The following TMEM132D variants were observed in gnomAD, a reference collection of about 807,000 sequenced individuals.
TMEM132D encodes the protein mature OL transmembrane protein.
Under a neutral mutation model 62.3 loss-of-function variants are expected in TMEM132D, and 21 were observed. The ratio of observed to expected loss-of-function variants is 0.34; its 90% CI spans 0.24 to 0.49. The LOEUF (loss-of-function observed/expected upper bound fraction) is 0.49. Among genes scored for constraint, TMEM132D ranks in the 20% least tolerant of loss-of-function variants. TMEM132D has a pLI of 0.99. For missense variants in TMEM132D, 1,346 were observed against 1,402.8 expected (o/e 0.96, Z 0.65); for synonymous variants, 621 against 575.6 (o/e 1.08, Z -1.13).
chr12:129,618,743 TA>T, intron 2 of TMEM132D, among the ~76,000 whole-genome samples: 1 of 152,202 alleles, frequency 6.6e-6, no homozygotes, highest in East Asian at 1.9e-4. Flanking sequence ...AGGATCAAAT[TA>T]GGACATTTAT....
chr12:129,810,808 A>T (rs1292544478), intron 1 of TMEM132D, among the ~76,000 whole-genome samples: 1 of 152,190 alleles, frequency 6.6e-6, no homozygotes, highest in Non-Finnish European at 1.5e-5. Context: ...ATGTCCAAAA[A>T]ATCGAGTTGA....
intron 2 of TMEM132D, among the ~76,000 whole-genome samples, chr12:129,583,067 C>A (rs1216239661): frequency 6.6e-6 from 1 of 152,224 alleles, no homozygotes; most frequent in East Asian, 1.9e-4. Flanking sequence ...CTCAGCCTCC[C>A]AAAGTGCTGG....
intron 3 of TMEM132D, among the ~76,000 whole-genome samples, chr12:129,398,028 C>A (rs1871484573): frequency 6.6e-6 from 1 of 152,198 alleles, no homozygotes; most frequent in Non-Finnish European, 1.5e-5. Flanking sequence ...AGACCCAACA[C>A]CCCATGTTGC....
chr12:129,751,771 C>A (rs946840399), intron 1 of TMEM132D, among the ~76,000 whole-genome samples: 4 of 152,158 alleles, frequency 2.6e-5, no homozygotes, highest in Non-Finnish European at 5.9e-5. Context: ...AACTTCGCTA[C>A]AAACACCAGG....
intron 1 of TMEM132D, among the ~76,000 whole-genome samples, chr12:129,810,120 T>G (rs766952779): frequency 6.6e-6 from 1 of 152,204 alleles, no homozygotes; most frequent in South Asian, 2.1e-4. Flanking sequence ...AAACATTAAG[T>G]TGGCGGTGCC....
At chr12:129,772,273 A>G (rs1870780095) in intron 1 of TMEM132D, among the ~76,000 whole-genome samples, 1 of 152,214 alleles carries the variant, frequency 6.6e-6, no homozygotes, top group African/African-American at 2.4e-5. Context: ...ATATGCATCA[A>G]AAATTCAATA....
At chr12:129,410,697 GA>G (rs1186978283) in intron 3 of TMEM132D, among the ~76,000 whole-genome samples, 7 of 151,858 alleles carry the variant, frequency 4.6e-5, no homozygotes, top group Non-Finnish European at 8.8e-5. Context: ...TCTGACTCCA[GA>G]AAAAAAATTT....
chr12:129,775,407 A>G (rs1870888044), intron 1 of TMEM132D, among the ~76,000 whole-genome samples: 1 of 152,142 alleles, frequency 6.6e-6, no homozygotes, highest in Admixed American at 6.5e-5. Flanking sequence ...AGAACCAGGC[A>G]TGGGAGAGCC....
At chr12:129,615,125 A>G (rs1315849660) in intron 2 of TMEM132D, among the ~76,000 whole-genome samples, 1 of 152,216 alleles carries the variant, frequency 6.6e-6, no homozygotes, top group Admixed American at 6.5e-5. Flanking sequence ...CTACTGTCAC[A>G]GGGCACAAAC....
intron 1 of TMEM132D, among the ~76,000 whole-genome samples, chr12:129,899,445 GGGTAGATGGACT>G (rs1875274940): frequency 1.3e-5 from 2 of 151,734 alleles, no homozygotes; most frequent in Non-Finnish European, 2.9e-5. Flanking sequence ...ATGGGTGGAT[GGGTAGATGGACT>G]GGTGGATGGA....
intron 3 of TMEM132D, among the ~76,000 whole-genome samples, chr12:129,488,882 C>G (rs1874672285): frequency 6.6e-6 from 1 of 152,024 alleles, no homozygotes; most frequent in Non-Finnish European, 1.5e-5. Flanking sequence ...CCTTCCGCCT[C>G]ATTTGGCTCC....
At chr12:129,241,045 T>A (rs1403361299) in intron 4 of TMEM132D, among the ~76,000 whole-genome samples, 1 of 150,596 alleles carries the variant, frequency 6.6e-6, no homozygotes. Flanking sequence ...TTGGGTGATA[T>A]AAATAGTTTA....
chr12:129,216,989 A>C (rs1244404500), intron 4 of TMEM132D, among the ~76,000 whole-genome samples: 1 of 152,196 alleles, frequency 6.6e-6, no homozygotes, highest in Non-Finnish European at 1.5e-5. Flanking sequence ...ACGGGAAAAA[A>C]CATTTTTTGT....
intron 1 of TMEM132D, among the ~76,000 whole-genome samples, chr12:129,796,288 T>C (rs778595762): frequency 7.9e-5 from 12 of 152,214 alleles, no homozygotes; most frequent in Non-Finnish European, 1.5e-4. Context: ...TTTATTCAGT[T>C]TGAATCTTTC....
intron 4 of TMEM132D, among the ~76,000 whole-genome samples, chr12:129,298,301 C>T (rs1183251539): frequency 6.6e-6 from 1 of 152,198 alleles, no homozygotes; most frequent in African/African-American, 2.4e-5. Flanking sequence ...AGTCACACTT[C>T]TGCTTTTTAA....
At chr12:129,267,264 T>C (rs903053430) in intron 4 of TMEM132D, among the ~76,000 whole-genome samples, 27 of 152,214 alleles carry the variant, frequency 1.8e-4, no homozygotes, top group Non-Finnish European at 7.3e-5. Context: ...GCAGATGACA[T>C]GATTATATAT....
At chr12:129,902,385 G>C (rs1221941215) in intron 1 of TMEM132D, among the ~76,000 whole-genome samples, 1 of 152,176 alleles carries the variant, frequency 6.6e-6, no homozygotes, top group Non-Finnish European at 1.5e-5. Flanking sequence ...AAGGGGCACG[G>C]GTGGGGGAAC....
intron 1 of TMEM132D, among the ~76,000 whole-genome samples, chr12:129,734,276 T>C (rs923077496): frequency 1.1e-4 from 16 of 152,220 alleles, no homozygotes; most frequent in Non-Finnish European, 2.2e-4. Context: ...GAGGCCACCA[T>C]GATGTCCAAA....
intron 4 of TMEM132D, among the ~76,000 whole-genome samples, chr12:129,239,967 A>G (rs1879892586): frequency 6.6e-6 from 1 of 152,198 alleles, no homozygotes; most frequent in Non-Finnish European, 1.5e-5. Context: ...TGTCTGAGCA[A>G]AAGTGTTCTT....
Sources: gnomAD v4.1 joint callset for allele counts (sites outside exome capture counted in the v4.1 genomes callset) on GRCh38, gnomAD v4.1.1 for gene constraint, MANE v1.5 for transcripts, NCBI Gene and HGNC (gene_info 2026-07-23, HGNC 2026-07-21) for gene names.